The following WDR64 variants were observed in gnomAD, a reference collection of about 807,000 sequenced individuals.
WDR64 encodes WD repeat-containing protein 64.
WDR64 carries 112 observed loss-of-function variants against 139.3 expected under a neutral mutation model. The observed-to-expected ratio is 0.80, with a 90% CI of 0.69 to 0.94. The LOEUF is 0.94. WDR64 is among the 40% of genes least tolerant of loss of function. The pLI is 0.00. For missense variants in WDR64, 1,206 were observed against 1,293.1 expected (o/e 0.93, Z 1.03); for synonymous variants, 444 against 437.7 (o/e 1.01, Z -0.18).
rs903759647 is a variant in WDR64, at chr1:241,703,267, C to G, written c.975-8535C>G. Among the ~76,000 whole-genome samples, 51 of 152,112 alleles carry G rather than the reference C, an allele frequency of 3.4e-4. No homozygotes were observed. The highest frequency in any genetic ancestry group is 1.5e-4 in the Non-Finnish European group (10 of 68,018). Reference sequence around the variant, plus strand: ...GGATGCTTCCCGTCTGCAGCATTGCCTTCCATTCAGTGAACAACCCCTATC... The same window carrying G: ...GGATGCTTCCCGTCTGCAGCATTGCGTTCCATTCAGTGAACAACCCCTATC... On this transcript the variant is annotated intron_variant, in intron 8 of 27. Coordinates refer to ENST00000437684, the MANE Select transcript of WDR64 (RefSeq NM_001367482.1). The surrounding 1 kb of genome is among the most constrained non-coding windows in gnomAD (Gnocchi z 5.9).
intron 9 of WDR64, among the ~76,000 whole-genome samples, chr1:241,716,868 C>T (rs778590204): frequency 4.6e-5 from 7 of 152,230 alleles, no homozygotes; most frequent in Middle Eastern, 6.8e-3. Context: ...TTCTTCACAA[C>T]GAATAACGGA....
At chr1:241,740,664 T>A (rs77707398) in intron 11 of WDR64, among the ~76,000 whole-genome samples, 2 of 151,644 alleles carry the variant, frequency 1.3e-5, no homozygotes, top group Non-Finnish European at 2.9e-5. Context: ...TTTTTTTTTT[T>A]AATCTTAATT....
At chr1:241,686,391 T>C (rs888444332) in intron 7 of WDR64, among the ~76,000 whole-genome samples, 1 of 152,160 alleles carries the variant, frequency 6.6e-6, no homozygotes, top group Non-Finnish European at 1.5e-5. Context: ...GGCATGAGAA[T>C]AGAAAGCTCC....
At chr1:241,725,822 C>CA (rs916779388) in intron 10 of WDR64, among the ~76,000 whole-genome samples, 176 of 147,522 alleles carry the variant, frequency 1.2e-3, no homozygotes, top group Admixed American at 2.5e-3. Flanking sequence ...CCCCCCACTC[C>CA]AAAAAAAAAA....
Position 241,736,414 on chromosome 1 carries a change from T to TC in WDR64, c.1195-1949_1195-1948insC, listed in dbSNP as rs1558498751. On this transcript the variant is annotated intron_variant, in intron 10 of 27. Transcript: ENST00000437684. ...TCTTTAGTTCTCTTTATGGAAGAGT[T>TC]TAAAAAAAAAAAAAAAAAAGAGTAG... Among the ~76,000 whole-genome samples the TC allele has an allele frequency of 1.3e-4, 14 of 107,860 alleles. No homozygotes were observed. The South Asian group carries it at 1.9e-3, about 15-fold the overall frequency. The allele number at this position is 107,860 out of a possible 152,430, so 70.8% of individuals were successfully genotyped here. A position where few individuals can be genotyped will look rare whatever the true frequency, so the allele number is the denominator to read the frequency against.
rs753497452 is a variant in WDR64, at chr1:241,790,578, T to A, written c.2892-13T>A. On this transcript the variant is annotated splice_polypyrimidine_tract_variant and intron_variant, in intron 24 of 27. Coordinates refer to ENST00000437684, the MANE Select transcript of WDR64 (RefSeq NM_001367482.1). ...GTATGGGTATGTACTTATTCTTGTA[T>A]CTTTATATGCAGATGGAGAAAAATG... 11 of 1,598,218 alleles carry A rather than the reference T, an allele frequency of 6.9e-6. No homozygotes were observed. The South Asian group carries it at 1.1e-4, about 16-fold the overall frequency.
Position 241,703,835 on chromosome 1 carries a change from C to T in WDR64, c.975-7967C>T, listed in dbSNP as rs1667832541. Among the ~76,000 whole-genome samples, 2 of 152,104 alleles carry T rather than the reference C, an allele frequency of 1.3e-5. No individual in the cohort carries two copies. Among genetic ancestry groups the T allele is most frequent in the South Asian group, 2.1e-4 (1 of 4,822 alleles). On this transcript the variant is annotated intron_variant, in intron 8 of 27. Coordinates refer to ENST00000437684, the MANE Select transcript of WDR64 (RefSeq NM_001367482.1). The surrounding 1 kb of genome is among the most constrained non-coding windows in gnomAD (Gnocchi z 5.9). ...GCGGAAGGTGAAAGGGAAGCAAGGACCTTCTTCACATGATGGCAGGAGAGA... is the reference window on the plus strand; with the variant it reads ...GCGGAAGGTGAAAGGGAAGCAAGGATCTTCTTCACATGATGGCAGGAGAGA...
chr1:241,794,504 G>GTTTTTTTT (rs11419039), intron 25 of WDR64, among the ~76,000 whole-genome samples: 2 of 81,456 alleles, frequency 2.5e-5, no homozygotes, highest in African/African-American at 4.3e-5. Flanking sequence ...AAGCTTTACT[G>GTTTTTTTT]TTTTTTTTTT....
intron 8 of WDR64, 74 bp downstream of exon 8, chr1:241,687,669 T>C: frequency 7.0e-7 from 1 of 1,425,270 alleles, no homozygotes; most frequent in Non-Finnish European, 9.5e-7. Flanking sequence ...CCATGACAGC[T>C]TTGAAACTTT....
intron 8 of WDR64, among the ~76,000 whole-genome samples, chr1:241,689,369 A>G (rs908369537): frequency 2.6e-5 from 4 of 152,242 alleles, no homozygotes; most frequent in Admixed American, 6.5e-5. Context: ...AAAGACACAT[A>G]TAGGCTAAAA....
chr1:241,770,668 G>A lies in WDR64; in HGVS notation c.2231G>A (p.Ser744Asn), dbSNP rs1353588187. The change falls in exon 18 of 28, where the codon AGC (serine) becomes AAC (asparagine). Residue 744 changes from serine (S) to asparagine (N), a missense_variant. By Grantham distance (46) the Ser-to-Asn change is conservative. Coordinates refer to ENST00000437684, the MANE Select transcript of WDR64 (RefSeq NM_001367482.1). ...SICSSSQCESSKGPQSSKGSK... is the reference protein window; with the variant it reads ...SICSSSQCESNKGPQSSKGSK... ...TGTTCTTCATCCCAGTGTGAATCCAGCAAAGGTCCACAGAGCAGTAAGGTA... is the reference window on the plus strand; with the variant it reads ...TGTTCTTCATCCCAGTGTGAATCCAACAAAGGTCCACAGAGCAGTAAGGTA... 1 of 1,551,450 alleles carries A rather than the reference G, an allele frequency of 6.4e-7. No homozygotes were observed. The highest frequency in any genetic ancestry group is 8.7e-7 in the Non-Finnish European group (1 of 1,146,860).
chr1:241,653,961 C>G (rs1665473774), intron 1 of WDR64, among the ~76,000 whole-genome samples: 1 of 152,126 alleles, frequency 6.6e-6, no homozygotes. Flanking sequence ...TGCATTTTTT[C>G]CTAGTCAGTT....
rs530213616 is a variant in WDR64, at chr1:241,672,533, A to C, written c.379+1357A>C. On this transcript the variant is annotated intron_variant, in intron 3 of 27. Coordinates refer to ENST00000437684, the MANE Select transcript of WDR64 (RefSeq NM_001367482.1). ...GGCCAGACACCTTTCTAAATGCTAG[A>C]GACAGAGCGGTGAACAAACAGACAC... is the stretch of plus-strand genomic sequence containing the variant. Among the ~76,000 whole-genome samples, 4 of 152,360 alleles carry C rather than the reference A, an allele frequency of 2.6e-5. No individual in the cohort carries two copies. The East Asian group carries it at 7.7e-4, about 29-fold the overall frequency.
chr1:241,662,706 A>G (rs1665876036), intron 2 of WDR64, among the ~76,000 whole-genome samples: 1 of 152,218 alleles, frequency 6.6e-6, no homozygotes, highest in African/African-American at 2.4e-5. Context: ...GGGAGGGAAG[A>G]GGAGGACATT....
rs150983459 is a variant in WDR64 at position 241,703,042 on chromosome 1, G to A, written c.975-8760G>A. The stretch of plus-strand genomic sequence containing the variant: ...ATAAGAGGCAGTAATACAGAGTTAG[G>A]GCCACTTTTTAAAAATGCCTTACCT... On this transcript the variant is annotated intron_variant, in intron 8 of 27. Transcript: ENST00000437684. This position sits in a 1 kb window ranked among gnomAD's most constrained non-coding sequence, Gnocchi z 5.9. 1.1e-4 allele frequency among the ~76,000 whole-genome samples: 17 copies of A among 152,154 alleles called. No individual in the cohort carries two copies. The highest frequency in any genetic ancestry group is 4.1e-4 in the African/African-American group (17 of 41,516).
chr1:241,657,820 G>T (rs933744836), intron 1 of WDR64, among the ~76,000 whole-genome samples: 2 of 152,190 alleles, frequency 1.3e-5, no homozygotes. Flanking sequence ...TCTTCTGAAG[G>T]AGGTAGCTCT....
intron 1 of WDR64, among the ~76,000 whole-genome samples, chr1:241,655,355 C>G (rs1026630187): frequency 1.3e-5 from 2 of 152,178 alleles, no homozygotes; most frequent in Non-Finnish European, 2.9e-5. Context: ...CACCACTGCA[C>G]TCCAGCCTGG....
chr1:241,661,618 T>G (rs1214785507), intron 2 of WDR64, among the ~76,000 whole-genome samples: 1 of 152,122 alleles, frequency 6.6e-6, no homozygotes, highest in Non-Finnish European at 1.5e-5. Flanking sequence ...ATAAGACAAT[T>G]TTACTCATAA....
Position 241,744,222 on chromosome 1 carries a change from T to C in WDR64, c.1471-171T>C, listed in dbSNP as rs189636036. Among the ~76,000 whole-genome samples the C allele has an allele frequency of 2.6e-5, 4 of 152,248 alleles. No homozygotes were observed. In the East Asian group the frequency reaches 7.7e-4, roughly 29 times the overall value. On this transcript the variant is annotated intron_variant, in intron 12 of 27. Coordinates refer to ENST00000437684, the MANE Select transcript of WDR64 (RefSeq NM_001367482.1). Reference sequence around the variant, plus strand: ...AGACACAGTAACTATTAAATGCACTTTATCTTTTAGAACTTTCTTTGATAA... The same window carrying C: ...AGACACAGTAACTATTAAATGCACTCTATCTTTTAGAACTTTCTTTGATAA...
Sources: allele counts gnomAD v4.1 joint callset (sites outside exome capture counted in the v4.1 genomes callset), GRCh38; gene constraint gnomAD v4.1.1; non-coding constraint Gnocchi (gnomAD v3.1); transcripts MANE v1.5; gene names NCBI Gene and HGNC (gene_info 2026-07-23, HGNC 2026-07-21).